Variants in CDK14 observed in about 807,000 individuals in gnomAD.
CDK14 encodes cyclin-dependent kinase 14.
Under a neutral mutation model 60.7 loss-of-function variants are expected in CDK14, and 34 were observed. The observed-to-expected ratio is 0.56, with a 90% CI of 0.43 to 0.75. CDK14 has a LOEUF of 0.75. Ranked by LOEUF, CDK14 falls within the 30% of genes least tolerant of loss-of-function variation. The pLI is 0.00. For missense variants in CDK14, 482 were observed against 564.1 expected (o/e 0.85, Z 1.47); for synonymous variants, 197 against 203.7 (o/e 0.97, Z 0.28).
chr7:90,848,897 C>A (rs916083605), intron 5 of CDK14, among the ~76,000 whole-genome samples: 1 of 152,092 alleles, frequency 6.6e-6, no homozygotes, highest in Admixed American at 6.6e-5. Context: ...TTTGCCTATT[C>A]GTTGGCTGAA....
At chr7:90,824,165 C>T (rs573807703) in intron 5 of CDK14, among the ~76,000 whole-genome samples, 75 of 152,280 alleles carry the variant, frequency 4.9e-4, no homozygotes, top group Non-Finnish European at 3.1e-4. Flanking sequence ...TGACAATAGA[C>T]AATGTTGATT....
chr7:90,736,670 T>C (rs532300565), intron 3 of CDK14, among the ~76,000 whole-genome samples: 2 of 152,318 alleles, frequency 1.3e-5, no homozygotes, highest in Admixed American at 1.3e-4. Flanking sequence ...ATATTAGTTA[T>C]CTTTTATAGG....
chr7:90,746,060 C>T (rs1803578317), intron 3 of CDK14, among the ~76,000 whole-genome samples: 1 of 152,230 alleles, frequency 6.6e-6, no homozygotes, highest in East Asian at 1.9e-4. Context: ...ACACTGCAGT[C>T]TCAACTGTTT....
At chr7:90,983,639 C>T (rs1795297928) in intron 9 of CDK14, among the ~76,000 whole-genome samples, 1 of 149,598 alleles carries the variant, frequency 6.7e-6, no homozygotes, top group South Asian at 2.1e-4. Context: ...GAGATCGCGC[C>T]ACTGCACTCC....
At chr7:91,140,658 A>G (rs1800428297) in intron 14 of CDK14, among the ~76,000 whole-genome samples, 1 of 152,202 alleles carries the variant, frequency 6.6e-6, no homozygotes, top group Non-Finnish European at 1.5e-5. Context: ...GCCTGGGCTG[A>G]GACTTAACCT....
At chr7:90,868,531 A>C (rs948050499) in intron 6 of CDK14, among the ~76,000 whole-genome samples, 3 of 152,122 alleles carry the variant, frequency 2.0e-5, no homozygotes, top group African/African-American at 7.2e-5. Context: ...TGATATTGTT[A>C]GGGATAATCA....
intron 5 of CDK14, among the ~76,000 whole-genome samples, chr7:90,814,831 A>G (rs1562783473): frequency 1.3e-5 from 2 of 152,186 alleles, no homozygotes; most frequent in Admixed American, 6.5e-5. Flanking sequence ...GCTGATTGTA[A>G]ATGGCAACTG....
intron 5 of CDK14, among the ~76,000 whole-genome samples, chr7:90,797,629 T>C (rs1254461611): frequency 6.6e-6 from 1 of 151,926 alleles, no homozygotes; most frequent in African/African-American, 2.4e-5. Flanking sequence ...GAGGTTTAAT[T>C]GGCTCATGGT....
At chr7:91,092,681 G>T (rs1798865986) in intron 12 of CDK14, among the ~76,000 whole-genome samples, 1 of 152,188 alleles carries the variant, frequency 6.6e-6, no homozygotes, top group Non-Finnish European at 1.5e-5. Context: ...TAGCATTTCA[G>T]TCAAATGCAG....
At chr7:90,675,209 T>C (rs1801175273) in intron 2 of CDK14, among the ~76,000 whole-genome samples, 1 of 152,138 alleles carries the variant, frequency 6.6e-6, no homozygotes, top group Non-Finnish European at 1.5e-5. Context: ...GGGATTTTTT[T>C]TTCTTCCTCC....
intron 2 of CDK14, among the ~76,000 whole-genome samples, chr7:90,652,695 CTTTA>C (rs1397682825): frequency 2.0e-5 from 3 of 152,164 alleles, no homozygotes; most frequent in Non-Finnish European, 2.9e-5. Context: ...GCACTGAGCA[CTTTA>C]TTTATGTTGT....
intron 2 of CDK14, among the ~76,000 whole-genome samples, chr7:90,702,272 G>T (rs1472007769): frequency 6.6e-6 from 1 of 152,134 alleles, no homozygotes. Flanking sequence ...CTAATATTTG[G>T]GTGCTGCTGT....
At chr7:90,904,060 C>T (rs976442667) in intron 7 of CDK14, among the ~76,000 whole-genome samples, 14 of 152,012 alleles carry the variant, frequency 9.2e-5, no homozygotes, top group Non-Finnish European at 1.5e-4. Context: ...TGCTGGCTTC[C>T]ATTGCTCCTC....
At chr7:90,610,097 T>C (rs1422943819) in intron 2 of CDK14, among the ~76,000 whole-genome samples, 2 of 152,226 alleles carry the variant, frequency 1.3e-5, no homozygotes, top group African/African-American at 2.4e-5. Flanking sequence ...TTCCAGTTTC[T>C]AGATGATCCC....
rs1803690181 is a variant in CDK14 at position 90,748,610 on chromosome 7, T to C, written c.464+835T>C. The stretch of plus-strand genomic sequence containing the variant: ...TAGGACTTTTTTGTCTGAGACAGCA[T>C]TTCGCCCTGTTGCCCAGGCTGGAGT... On this transcript the variant is annotated intron_variant, in intron 4 of 14. Coordinates refer to ENST00000380050, the MANE Select transcript of CDK14 (RefSeq NM_001287135.2). Among the ~76,000 whole-genome samples the C allele has an allele frequency of 2.0e-5, 3 of 152,362 alleles. No individual in the cohort carries two copies. The South Asian group carries it at 6.2e-4, about 32-fold the overall frequency.
chr7:90,616,929 A>AT (rs112306151), intron 2 of CDK14, among the ~76,000 whole-genome samples: 16,387 of 150,218 alleles, frequency 0.11, 1,082 homozygotes, highest in Middle Eastern at 0.16. Context: ...CATTTTGATT[A>AT]TTTTTTTTTC....
intron 2 of CDK14, among the ~76,000 whole-genome samples, chr7:90,660,828 T>C (rs1242565460): frequency 2.0e-5 from 3 of 152,206 alleles, no homozygotes; most frequent in Non-Finnish European, 2.9e-5. Context: ...CCTGGTTGGA[T>C]TGGTTTAGTG....
intron 12 of CDK14, among the ~76,000 whole-genome samples, chr7:91,099,883 A>G (rs775893942): frequency 3.3e-5 from 5 of 152,128 alleles, no homozygotes; most frequent in African/African-American, 9.6e-5. Flanking sequence ...AGGATATTCT[A>G]TGCTGACTTG....
chr7:90,805,126 T>G lies in CDK14; in HGVS notation c.544+14474T>G, dbSNP rs1464414814. On this transcript the variant is annotated intron_variant, in intron 5 of 14. Coordinates refer to ENST00000380050, the MANE Select transcript of CDK14 (RefSeq NM_001287135.2). ...GTGTTTGTTCAAAGATAATACATTC[T>G]TCCATTCAAAATTTCTGGGTTAATT... Among the ~76,000 whole-genome samples, 3 of 152,102 alleles carry G rather than the reference T, an allele frequency of 2.0e-5. No homozygotes were observed. In the South Asian group the frequency reaches 6.2e-4, roughly 32 times the overall value.
Sources: allele counts gnomAD v4.1 joint callset (sites outside exome capture counted in the v4.1 genomes callset), GRCh38; gene constraint gnomAD v4.1.1; transcripts MANE v1.5; gene names NCBI Gene and HGNC (gene_info 2026-07-23, HGNC 2026-07-21).